CPAMD8: variants seen among roughly 807,000 people sequenced by gnomAD.
CPAMD8 encodes the protein C3 and PZP like alpha-2-macroglobulin domain containing 8.
CPAMD8 carries 146 observed loss-of-function variants against 224.7 expected under a neutral mutation model. The observed-to-expected ratio is 0.65, with a 90% CI of 0.57 to 0.75. The LOEUF is 0.75. CPAMD8 is among the 30% of genes least tolerant of loss of function. CPAMD8 has a pLI of 0.00. For synonymous variants in CPAMD8, 966 were observed against 1,044.6 expected, an observed-to-expected ratio of 0.92 and a Z score of 1.45; for missense variants, 2,301 against 2,537.5, an observed-to-expected ratio of 0.91 and a Z score of 2.00.
Position 16,945,682 on chromosome 19 carries a change from G to A in CPAMD8, c.2663-3C>T, listed in dbSNP as rs374709243. 395 of 1,613,796 alleles carry A rather than the reference G, an allele frequency of 2.4e-4. No homozygotes were observed. The highest frequency in any genetic ancestry group is 3.2e-4 in the Non-Finnish European group (373 of 1,179,802). The stretch of plus-strand genomic sequence containing the variant: ...GTCTCCGTAAGCAAGGGCTTTGGCT[G>A]CAGAAATTTGATGTCTTGGTCTCAG... On this transcript the variant is annotated splice_region_variant and splice_polypyrimidine_tract_variant and intron_variant, in intron 21 of 41. Transcript: ENST00000443236.
chr19:16,995,588 A>C (rs773006816), intron 11 of CPAMD8, among the ~76,000 whole-genome samples: 2 of 152,084 alleles, frequency 1.3e-5, no homozygotes, highest in African/African-American at 4.8e-5. Context: ...TTCAGTAGAG[A>C]CAGTATTTCA....
chr19:16,900,459 G>A (rs1255149115), intron 36 of CPAMD8, among the ~76,000 whole-genome samples: 1 of 152,052 alleles, frequency 6.6e-6, no homozygotes, highest in Non-Finnish European at 1.5e-5. Flanking sequence ...TTAGCTGGGC[G>A]TGGTGGTGCA....
chr19:16,908,348 G>A (rs1007783116), intron 29 of CPAMD8, among the ~76,000 whole-genome samples: 2 of 138,066 alleles, frequency 1.4e-5, no homozygotes. Flanking sequence ...GGGCAACAGA[G>A]TGAGACCTCA....
chr19:16,912,930 T>C (rs904610898), intron 29 of CPAMD8, among the ~76,000 whole-genome samples: 2 of 152,224 alleles, frequency 1.3e-5, no homozygotes, highest in African/African-American at 4.8e-5. Context: ...AACTAGAAGA[T>C]GATAGAACAT....
chr19:17,017,465 G>A (rs989159262), intron 3 of CPAMD8, among the ~76,000 whole-genome samples: 2 of 152,114 alleles, frequency 1.3e-5, no homozygotes, highest in Non-Finnish European at 2.9e-5. Context: ...AAAAGGTTGG[G>A]GACTGCTGCT....
intron 29 of CPAMD8, among the ~76,000 whole-genome samples, chr19:16,911,995 T>A (rs2052746626): frequency 1.3e-5 from 2 of 152,154 alleles, no homozygotes. Context: ...ACACTCCTTA[T>A]GAGAATCTAA....
chr19:17,024,049 G>A (rs2057020933), intron 1 of CPAMD8, among the ~76,000 whole-genome samples: 1 of 152,188 alleles, frequency 6.6e-6, no homozygotes, highest in African/African-American at 2.4e-5. Context: ...GTCATTGCAT[G>A]CTTAGATTAG....
At position 16,906,988 on chromosome 19, in the gene CPAMD8, C is replaced by G. The variant is rs754711230; in HGVS notation, c.3991G>C (p.Ala1331Pro). The G allele has an allele frequency of 6.3e-7, 1 of 1,598,720 alleles. No homozygotes were observed. The highest frequency in any genetic ancestry group is 8.5e-7 in the Non-Finnish European group (1 of 1,174,442). ...TLLRSPAAPEALRKLRSLAIM... is the reference protein window; with the variant it reads ...TLLRSPAAPEPLRKLRSLAIM... ...GCCAGGCTACGGAGCTTGCGCAGTG[C>G]CTCAGGGGCTGCCGGGCTGCGGAGC... Residue 1331 changes from alanine to proline, a missense_variant, in exon 30 of 42, where the codon GCA becomes CCA. Transcript: ENST00000443236.
At position 16,971,053 on chromosome 19, in the gene CPAMD8, C is replaced by T. The variant is rs779697866; in HGVS notation, c.2071-20G>A. The T allele has an allele frequency of 1.3e-6, 2 of 1,581,180 alleles. No homozygotes were observed. Among genetic ancestry groups the T allele is most frequent in the Non-Finnish European group, 1.7e-6 (2 of 1,162,714 alleles). The stretch of plus-strand genomic sequence containing the variant: ...CGTTTCCTAGGCAACAGACAACACC[C>T]AAACCATTGGTGGGGAAGTGGATGC... On this transcript the variant is annotated intron_variant, in intron 17 of 41. Coordinates refer to ENST00000443236, the MANE Select transcript of CPAMD8 (RefSeq NM_015692.5).
At chr19:16,989,424 T>C (rs1292097247) in intron 13 of CPAMD8, among the ~76,000 whole-genome samples, 4 of 152,078 alleles carry the variant, frequency 2.6e-5, no homozygotes, top group Non-Finnish European at 5.9e-5. Flanking sequence ...GTAGCTGGGA[T>C]TACAGGCACG....
rs1555755966 is a variant in CPAMD8 at position 16,906,407 on chromosome 19, T to TCTCTTTCC, written c.4027+544_4027+545insGGAAAGAG. On this transcript the variant is annotated intron_variant, in intron 30 of 41. Transcript: ENST00000443236. Reference sequence around the variant, plus strand: ...CTTTCTTTCTTTCTTTCTTTCTTTCTTTCCTTCCTTCCTTCCTTCCTTCCT... The same window carrying TCTCTTTCC: ...CTTTCTTTCTTTCTTTCTTTCTTTCTCTCTTTCCTTCCTTCCTTCCTTCCTTCCTTCCT... 6.7e-3 allele frequency among the ~76,000 whole-genome samples: 468 copies of TCTCTTTCC among 69,894 alleles called. 17 individuals carry two copies. The highest frequency in any genetic ancestry group is 0.029 in the African/African-American group (455 of 15,504). The allele number at this position is 69,894 out of a possible 152,430, so 45.9% of individuals were successfully genotyped here. A position where few individuals can be genotyped will look rare whatever the true frequency, so the allele number is the denominator to read the frequency against.
At chr19:16,937,043 CCCTT>C (rs779622713) in intron 23 of CPAMD8, among the ~76,000 whole-genome samples, 67 of 138,128 alleles carry the variant, frequency 4.9e-4, no homozygotes, top group Non-Finnish European at 8.1e-4. Context: ...TTTCCTTTCT[CCCTT>C]CCTTCCTTCC....
intron 2 of CPAMD8, among the ~76,000 whole-genome samples, chr19:17,020,834 C>G (rs1433671525): frequency 6.6e-6 from 1 of 152,206 alleles, no homozygotes; most frequent in African/African-American, 2.4e-5. Flanking sequence ...AATTAGGTAT[C>G]TATTATTTTT....
At chr19:17,014,676 T>G (rs1182574555) in intron 3 of CPAMD8, among the ~76,000 whole-genome samples, 1 of 152,136 alleles carries the variant, frequency 6.6e-6, no homozygotes, top group Admixed American at 6.5e-5. Flanking sequence ...TCAGCTCTTG[T>G]GAGACTTATT....
chr19:17,015,596 C>A (rs2056790344), intron 3 of CPAMD8, among the ~76,000 whole-genome samples: 1 of 152,176 alleles, frequency 6.6e-6, no homozygotes, highest in Non-Finnish European at 1.5e-5. Context: ...CCTGTGAGGT[C>A]TCTTCTGACT....
At chr19:16,942,025 C>T (rs2053912420) in intron 22 of CPAMD8, among the ~76,000 whole-genome samples, 1 of 152,016 alleles carries the variant, frequency 6.6e-6, no homozygotes, top group African/African-American at 2.4e-5. Flanking sequence ...CCCCTTCCCT[C>T]CTCCTCCTGC....
At chr19:16,897,294 A>T (rs2227370) in intron 39 of CPAMD8, 12,769 of 69,142 alleles carry the variant, frequency 0.18, 1,305 homozygotes, top group Admixed American at 0.24. Context: ...CACTGAACAC[A>T]CCCGCCCTCA....
chr19:17,011,320 G>C, intron 5 of CPAMD8, 144 bp downstream of exon 5: 2 of 911,572 alleles, frequency 2.2e-6, no homozygotes, highest in Admixed American at 4.8e-5. Flanking sequence ...AACTCCCTGG[G>C]GTTCTCCGGG....
At chr19:16,927,491 C>G (rs2053404791) in intron 25 of CPAMD8, among the ~76,000 whole-genome samples, 1 of 152,106 alleles carries the variant, frequency 6.6e-6, no homozygotes, top group Non-Finnish European at 1.5e-5. Flanking sequence ...GACTAATACA[C>G]ATCCCAACCC....
Sources: gnomAD v4.1 joint callset for allele counts (sites outside exome capture counted in the v4.1 genomes callset) on GRCh38, gnomAD v4.1.1 for gene constraint, MANE v1.5 for transcripts, NCBI Gene and HGNC (gene_info 2026-07-23, HGNC 2026-07-21) for gene names.